The following ADAMTSL1 variants were observed in gnomAD, a reference collection of about 807,000 sequenced individuals.
ADAMTSL1 encodes ADAMTS-like protein 1.
A neutral mutation model predicts 201.8 loss-of-function variants in ADAMTSL1; 126 were observed. The observed-to-expected ratio is 0.62, with a 90% CI of 0.54 to 0.72. The LOEUF (loss-of-function observed/expected upper bound fraction) is 0.72, where lower values mean the gene tolerates loss of function less well. ADAMTSL1 is among the 30% of genes least tolerant of loss of function. The pLI is 0.00. For synonymous variants in ADAMTSL1, 1,121 were observed against 903.4 expected, an observed-to-expected ratio of 1.24 and a Z score of -4.32; for missense variants, 2,679 against 2,277.8, an observed-to-expected ratio of 1.18 and a Z score of -3.59.
At chr9:18,085,002 A>G (rs986451529) in intron 1 of ADAMTSL1, among the ~76,000 whole-genome samples, 5 of 152,170 alleles carry the variant, frequency 3.3e-5, no homozygotes, top group African/African-American at 9.7e-5. Context: ...TGAGCAAACC[A>G]TGTGGGTATC....
chr9:18,734,033 G>A (rs1818371777), intron 15 of ADAMTSL1, among the ~76,000 whole-genome samples: 1 of 152,052 alleles, frequency 6.6e-6, no homozygotes, highest in South Asian at 2.1e-4. Context: ...GGGCTTATAA[G>A]TCCCGTAAAT....
intron 1 of ADAMTSL1, among the ~76,000 whole-genome samples, chr9:17,974,999 C>T (rs1227479555): frequency 1.3e-5 from 2 of 151,974 alleles, no homozygotes; most frequent in African/African-American, 2.4e-5. Context: ...CACAAAGTTT[C>T]CCTTTTTTTT....
intron 4 of ADAMTSL1, among the ~76,000 whole-genome samples, chr9:18,608,952 C>T (rs1022557208): frequency 1.3e-5 from 2 of 152,016 alleles, no homozygotes; most frequent in African/African-American, 4.8e-5. Context: ...TTTGAATATC[C>T]CTTATACTAA....
intron 23 of ADAMTSL1, among the ~76,000 whole-genome samples, chr9:18,832,529 A>G (rs1407929837): frequency 6.6e-6 from 1 of 152,230 alleles, no homozygotes; most frequent in East Asian, 1.9e-4. Flanking sequence ...TTCTGTAGGA[A>G]TAATCGATAG....
At chr9:18,398,555 T>G (rs1053841657) in intron 2 of ADAMTSL1, among the ~76,000 whole-genome samples, 1 of 152,200 alleles carries the variant, frequency 6.6e-6, no homozygotes, top group Non-Finnish European at 1.5e-5. Flanking sequence ...GATAAGGAGA[T>G]TTAACTTTTC....
At chr9:18,744,959 T>C (rs1484744761) in intron 15 of ADAMTSL1, among the ~76,000 whole-genome samples, 1 of 152,242 alleles carries the variant, frequency 6.6e-6, no homozygotes, top group Non-Finnish European at 1.5e-5. Context: ...TATGTTCTTC[T>C]TAGTACCTCA....
chr9:18,640,820 G>A (rs1827390945), intron 7 of ADAMTSL1, among the ~76,000 whole-genome samples: 1 of 151,920 alleles, frequency 6.6e-6, no homozygotes, highest in Non-Finnish European at 1.5e-5. Context: ...GTTAGCGCAG[G>A]CCTTTACTTT....
At chr9:18,411,319 C>T (rs1210417734) in intron 2 of ADAMTSL1, among the ~76,000 whole-genome samples, 1 of 151,904 alleles carries the variant, frequency 6.6e-6, no homozygotes, top group Non-Finnish European at 1.5e-5. Flanking sequence ...ACTTCAGCCT[C>T]CCAAGTAAGA....
chr9:18,809,147 T>A (rs915145238), intron 20 of ADAMTSL1, among the ~76,000 whole-genome samples: 3 of 152,134 alleles, frequency 2.0e-5, no homozygotes, highest in Non-Finnish European at 2.9e-5. Context: ...GAAGATAAAT[T>A]CTGTTAGTTC....
intron 2 of ADAMTSL1, among the ~76,000 whole-genome samples, chr9:18,248,939 T>C (rs1347129161): frequency 1.3e-5 from 2 of 152,210 alleles, no homozygotes; most frequent in Admixed American, 6.5e-5. Context: ...TAAGGAAAAG[T>C]TGTGAATGTA....
At chr9:17,978,223 A>G (rs1482170596) in intron 1 of ADAMTSL1, among the ~76,000 whole-genome samples, 1 of 152,084 alleles carries the variant, frequency 6.6e-6, no homozygotes, top group Non-Finnish European at 1.5e-5. Flanking sequence ...TGTAGGAGGC[A>G]TATAGTTTGG....
chr9:18,598,127 A>C (rs925075351), intron 4 of ADAMTSL1, among the ~76,000 whole-genome samples: 1 of 152,230 alleles, frequency 6.6e-6, no homozygotes, highest in Non-Finnish European at 1.5e-5. Context: ...GCCAAGACAA[A>C]TTCAGAGACC....
At chr9:18,648,214 G>A (rs1189347157) in intron 7 of ADAMTSL1, among the ~76,000 whole-genome samples, 2 of 132,816 alleles carry the variant, frequency 1.5e-5, no homozygotes, top group East Asian at 4.4e-4. Flanking sequence ...TGCCAACCCT[G>A]CCTTTTTTTG....
At chr9:18,589,381 C>G (rs1298205775) in intron 4 of ADAMTSL1, among the ~76,000 whole-genome samples, 1 of 152,026 alleles carries the variant, frequency 6.6e-6, no homozygotes, top group Non-Finnish European at 1.5e-5. Flanking sequence ...AAATTGATCA[C>G]TGTTAATATA....
chr9:18,625,513 C>A (rs776214985), intron 5 of ADAMTSL1, among the ~76,000 whole-genome samples: 1 of 152,130 alleles, frequency 6.6e-6, no homozygotes, highest in Non-Finnish European at 1.5e-5. Context: ...TTTCTCCTTT[C>A]TTAAAGGAAA....
rs189170004 is a variant in ADAMTSL1 at position 18,143,813 on chromosome 9, G to A, written c.88-20049G>A. On this transcript the variant is annotated intron_variant, in intron 1 of 29. Transcript: ENST00000680146. The stretch of plus-strand genomic sequence containing the variant: ...AGACTCTTTCATTATAGATGTTAGA[G>A]GAATGAAAATAATTTGCACAAAGCC... Among the ~76,000 whole-genome samples the A allele has an allele frequency of 5.1e-4, 78 of 152,262 alleles. 1 individual carries two copies. The highest frequency in any genetic ancestry group is 1.4e-3 in the Admixed American group (22 of 15,284).
intron 2 of ADAMTSL1, among the ~76,000 whole-genome samples, chr9:18,374,086 T>G (rs1837176656): frequency 6.6e-6 from 1 of 152,156 alleles, no homozygotes; most frequent in Non-Finnish European, 1.5e-5. Flanking sequence ...GATTCTGACT[T>G]AATTGGACTT....
chr9:18,149,383 C>T lies in ADAMTSL1; in HGVS notation c.88-14479C>T, dbSNP rs113415092. ...GCAAAGAAGAAAAAATGGTTGGAGACGAGTCTATAGGGATAAATGGAGACC... is the reference window on the plus strand; with the variant it reads ...GCAAAGAAGAAAAAATGGTTGGAGATGAGTCTATAGGGATAAATGGAGACC... On this transcript the variant is annotated intron_variant, in intron 1 of 29. Coordinates refer to the ADAMTSL1 transcript ENST00000680146. Among the ~76,000 whole-genome samples the T allele has an allele frequency of 2.3e-3, 356 of 152,024 alleles. 4 individuals carry two copies. Among genetic ancestry groups the T allele is most frequent in the African/African-American group, 8.2e-3 (342 of 41,500 alleles).
intron 1 of ADAMTSL1, among the ~76,000 whole-genome samples, chr9:18,127,366 G>A (rs140173114): frequency 6.6e-6 from 1 of 152,086 alleles, no homozygotes; most frequent in African/African-American, 2.4e-5. Context: ...ATGACTATGG[G>A]TGTGGGCATA....
Sources: allele counts gnomAD v4.1 joint callset (sites outside exome capture counted in the v4.1 genomes callset), GRCh38; gene constraint gnomAD v4.1.1; transcripts MANE v1.5; gene names NCBI Gene and HGNC (gene_info 2026-07-23, HGNC 2026-07-21).